Variants in RBFOX1 observed in about 807,000 individuals in gnomAD.
RBFOX1 encodes the protein RNA binding protein fox-1 homolog 1.
A neutral mutation model predicts 57.7 loss-of-function variants in RBFOX1; 8 were observed. That is an observed-to-expected ratio of 0.14 (90% CI 0.08 to 0.25). The LOEUF is 0.25. RBFOX1 is among the 10% of genes least tolerant of loss of function. The probability of loss-of-function intolerance (pLI) is 1.00; values close to 1 mark genes in which losing one functional copy is unlikely to be tolerated. For missense variants in RBFOX1, 611 were observed against 548.5 expected (o/e 1.11, Z -1.14); for synonymous variants, 326 against 222.4 (o/e 1.47, Z -4.15).
intron 3 of RBFOX1, among the ~76,000 whole-genome samples, chr16:5,835,272 G>A (rs2056422580): frequency 6.6e-6 from 1 of 152,170 alleles, no homozygotes; most frequent in South Asian, 2.1e-4. Context: ...AGGCACTACA[G>A]GCAGGGAAGC....
At chr16:6,576,005 C>G (rs575242836) in intron 2 of RBFOX1, among the ~76,000 whole-genome samples, 1 of 152,032 alleles carries the variant, frequency 6.6e-6, no homozygotes, top group Non-Finnish European at 1.5e-5. Context: ...TTTTGCAAAG[C>G]AAAAACTGTC....
chr16:6,936,464 C>A (rs924758686), intron 3 of RBFOX1, among the ~76,000 whole-genome samples: 1 of 152,172 alleles, frequency 6.6e-6, no homozygotes, highest in African/African-American at 2.4e-5. Flanking sequence ...ATTATCATTA[C>A]TTTCTTCCTT....
intron 2 of RBFOX1, among the ~76,000 whole-genome samples, chr16:6,391,503 C>G (rs1193195132): frequency 2.0e-5 from 3 of 147,758 alleles, no homozygotes; most frequent in Admixed American, 6.7e-5. Context: ...GAACAAGACT[C>G]CGTCTCAAAA....
intron 3 of RBFOX1, among the ~76,000 whole-genome samples, chr16:5,668,807 A>G (rs1164729731): frequency 6.6e-6 from 1 of 152,134 alleles, no homozygotes; most frequent in African/African-American, 2.4e-5. Context: ...AAATGCTCGT[A>G]GCTGGTCTGA....
intron 1 of RBFOX1, among the ~76,000 whole-genome samples, chr16:5,377,485 G>A (rs1194319447): frequency 6.6e-6 from 1 of 150,684 alleles, no homozygotes; most frequent in Non-Finnish European, 1.5e-5. Flanking sequence ...TGGTGAGGAG[G>A]AGGAGTAAGT....
At chr16:5,693,920 C>G (rs768538408) in intron 3 of RBFOX1, among the ~76,000 whole-genome samples, 6 of 152,174 alleles carry the variant, frequency 3.9e-5, no homozygotes, top group Admixed American at 3.9e-4. Context: ...TCCCCCACCT[C>G]GTCACAGGTG....
chr16:5,461,352 C>T (rs1457515580), intron 1 of RBFOX1, among the ~76,000 whole-genome samples: 1 of 152,192 alleles, frequency 6.6e-6, no homozygotes, highest in South Asian at 2.1e-4. Flanking sequence ...TCCCACGCCT[C>T]CTTTCCCCTG....
chr16:5,430,881 A>G (rs1231269235), intron 1 of RBFOX1, among the ~76,000 whole-genome samples: 1 of 152,248 alleles, frequency 6.6e-6, no homozygotes. Context: ...TTGCCCTGGT[A>G]TAAAGGAGAA....
At chr16:5,355,863 G>A (rs894750461) in intron 1 of RBFOX1, among the ~76,000 whole-genome samples, 2 of 152,292 alleles carry the variant, frequency 1.3e-5, no homozygotes, top group Non-Finnish European at 2.9e-5. Context: ...GGCCGAGGCA[G>A]GTGAATCGCC....
intron 10 of RBFOX1, among the ~76,000 whole-genome samples, chr16:7,623,999 T>G (rs928239743): frequency 1.3e-5 from 2 of 152,186 alleles, no homozygotes; most frequent in African/African-American, 4.8e-5. Context: ...AACAGTGGAC[T>G]GAAGGAAGGA....
chr16:5,496,268 A>G (rs2042998422), intron 2 of RBFOX1, among the ~76,000 whole-genome samples: 1 of 152,038 alleles, frequency 6.6e-6, no homozygotes, highest in South Asian at 2.1e-4. Context: ...TACTGTCACT[A>G]TTTTCTTAAT....
At chr16:7,464,759 T>A (rs1194455740) in intron 4 of RBFOX1, among the ~76,000 whole-genome samples, 1 of 136,888 alleles carries the variant, frequency 7.3e-6, no homozygotes, top group Non-Finnish European at 1.5e-5. Flanking sequence ...TGCAGTCGCG[T>A]GATCTCGGCT....
intron 3 of RBFOX1, among the ~76,000 whole-genome samples, chr16:6,840,902 A>AAAGAAAAG (rs1385482460): frequency 1.3e-5 from 2 of 151,380 alleles, no homozygotes; most frequent in Non-Finnish European, 2.9e-5. Context: ...AAAAAAAAAA[A>AAAGAAAAG]AACGAAAAAA....
intron 4 of RBFOX1, among the ~76,000 whole-genome samples, chr16:7,134,021 C>A (rs8060088): frequency 1.3e-5 from 2 of 152,200 alleles, no homozygotes; most frequent in African/African-American, 4.8e-5. Context: ...AAGTGTGATA[C>A]TGTGCTTCAG....
intron 4 of RBFOX1, among the ~76,000 whole-genome samples, chr16:7,177,800 C>T (rs2081972726): frequency 6.6e-6 from 1 of 152,102 alleles, no homozygotes. Context: ...CACAAAAGCC[C>T]CTGTGGACAA....
At position 7,133,086 on chromosome 16, in the gene RBFOX1, CTA is replaced by C. The variant is rs372373581; in HGVS notation, c.27+80990_27+80991del. Among the ~76,000 whole-genome samples the C allele has an allele frequency of 1.8e-3, 269 of 152,228 alleles. 1 individual carries two copies. The highest frequency in any genetic ancestry group is 6.2e-3 in the African/African-American group (257 of 41,546). On this transcript the variant is annotated intron_variant, in intron 4 of 15. Transcript: ENST00000550418. ...CAGAAGTGACCTTATTATGGCAAAACTATTTTTTGATATTATGGTTTGTATGC... is the reference window on the plus strand; with the variant it reads ...CAGAAGTGACCTTATTATGGCAAAACTTTTTTGATATTATGGTTTGTATGC...
intron 4 of RBFOX1, among the ~76,000 whole-genome samples, chr16:7,284,095 T>C (rs893120386): frequency 6.6e-6 from 1 of 152,258 alleles, no homozygotes; most frequent in African/African-American, 2.4e-5. Flanking sequence ...ATCCAGGTAG[T>C]TGCATCTATC....
chr16:6,697,275 C>G (rs1208568501), intron 3 of RBFOX1, among the ~76,000 whole-genome samples: 1 of 152,078 alleles, frequency 6.6e-6, no homozygotes, highest in African/African-American at 2.4e-5. Context: ...ATCTTAAGTC[C>G]TTTTCCACCC....
At chr16:7,069,917 G>A (rs142730870) in intron 4 of RBFOX1, among the ~76,000 whole-genome samples, 3 of 152,314 alleles carry the variant, frequency 2.0e-5, no homozygotes, top group Non-Finnish European at 2.9e-5. Flanking sequence ...TCAGGGAAAC[G>A]GAAACTAAAA....
Sources: gnomAD v4.1 joint callset for allele counts (sites outside exome capture counted in the v4.1 genomes callset) on GRCh38, gnomAD v4.1.1 for gene constraint, MANE v1.5 for transcripts, NCBI Gene and HGNC (gene_info 2026-07-23, HGNC 2026-07-21) for gene names.